DAB2IP: variants seen among roughly 807,000 people sequenced by gnomAD.
DAB2IP encodes the protein disabled homolog 2-interacting protein.
A neutral mutation model predicts 107.2 loss-of-function variants in DAB2IP; 28 were observed. The ratio of observed to expected loss-of-function variants is 0.26; its 90% CI spans 0.19 to 0.36. The LOEUF (loss-of-function observed/expected upper bound fraction) is 0.36. DAB2IP is among the 10% of genes least tolerant of loss of function. The pLI is 1.00. For missense variants in DAB2IP, 1,400 were observed against 1,644.7 expected (o/e 0.85, Z 2.57); for synonymous variants, 755 against 706.4 (o/e 1.07, Z -1.09).
chr9:121,780,302 C>A (rs893491781), intron 14 of DAB2IP, among the ~76,000 whole-genome samples: 7 of 152,198 alleles, frequency 4.6e-5, no homozygotes, highest in African/African-American at 1.7e-4. Context: ...CAGAGTGATA[C>A]CTTCCTGTAC....
chr9:121,569,326 C>G (rs1289698686), intron 1 of DAB2IP, among the ~76,000 whole-genome samples: 1 of 152,208 alleles, frequency 6.6e-6, no homozygotes, highest in African/African-American at 2.4e-5. Flanking sequence ...CTAGGCTAAT[C>G]TGAGAGAGAT....
At chr9:121,577,355 C>G (rs2118896640) in intron 1 of DAB2IP, among the ~76,000 whole-genome samples, 1 of 152,336 alleles carries the variant, frequency 6.6e-6, no homozygotes, top group African/African-American at 2.4e-5. Context: ...GGATCGCCAG[C>G]ACCCCAGGCT....
chr9:121,641,975 T>TC, intron 1 of DAB2IP, among the ~76,000 whole-genome samples: 1 of 116,058 alleles, frequency 8.6e-6, no homozygotes, highest in Non-Finnish European at 1.8e-5. Flanking sequence ...TCTCTCTCTT[T>TC]CTTTCTTTCT....
Position 121,651,620 on chromosome 9 carries a change from G to A in DAB2IP, c.-156G>A. The A allele has an allele frequency of 9.6e-7, 1 of 1,041,184 alleles. No homozygotes were observed. The highest frequency in any genetic ancestry group is 1.2e-6 in the Non-Finnish European group (1 of 863,804). The allele number at this position is 1,041,184 out of a possible 1,614,324, so 64.5% of individuals were successfully genotyped here. On this transcript the variant is annotated 5_prime_UTR_variant, in exon 1 of 16. Transcript: ENST00000408936. The surrounding 1 kb of genome is among the most constrained non-coding windows in gnomAD (Gnocchi z 5.1). ...GGAGCGGGAGGGGGCAGGAGGCGGA[G>A]GAGGAGTTTGAGCGACTTTGTGGGG...
intron 3 of DAB2IP, among the ~76,000 whole-genome samples, chr9:121,740,334 G>A (rs557740443): frequency 1.3e-5 from 2 of 152,262 alleles, no homozygotes; most frequent in South Asian, 4.1e-4. Context: ...ACTGTGCCCT[G>A]TCACGTTTTT....
intron 3 of DAB2IP, among the ~76,000 whole-genome samples, chr9:121,747,980 T>A (rs777292188): frequency 6.6e-6 from 1 of 152,146 alleles, no homozygotes; most frequent in Non-Finnish European, 1.5e-5. Context: ...AGGCTGCCTC[T>A]CATTCAGGAG....
In DAB2IP at chr9:121,762,392, C is replaced by T. The variant is rs79188411; in HGVS notation, c.1171-1113C>T. Among the ~76,000 whole-genome samples, 860 of 152,260 alleles carry T rather than the reference C, an allele frequency of 5.6e-3. 8 individuals carry two copies. Among genetic ancestry groups the T allele is most frequent in the African/African-American group, 0.02 (820 of 41,540 alleles). ...AGCCCCGGGGGAGATGCACCTCTGA[C>T]CCCCGCTTTAGTGTATTCAGAGAAT... is the stretch of plus-strand genomic sequence containing the variant. On this transcript the variant is annotated intron_variant, in intron 6 of 15. Transcript: ENST00000408936.
chr9:121,663,414 G>A (rs868167264), intron 1 of DAB2IP, among the ~76,000 whole-genome samples: 2 of 152,044 alleles, frequency 1.3e-5, no homozygotes, highest in East Asian at 1.9e-4. Context: ...AGCCAAACAC[G>A]TCCCCTCTGA....
intron 1 of DAB2IP, among the ~76,000 whole-genome samples, chr9:121,603,453 A>G (rs2118958160): frequency 6.6e-6 from 1 of 152,338 alleles, no homozygotes; most frequent in Non-Finnish European, 1.5e-5. Flanking sequence ...GAAAGAGGTC[A>G]CTGGAGTCCA....
At chr9:121,652,798 C>T (rs981586700) in intron 1 of DAB2IP, among the ~76,000 whole-genome samples, 2 of 151,874 alleles carry the variant, frequency 1.3e-5, no homozygotes, top group Non-Finnish European at 2.9e-5. Context: ...CACATTCCCA[C>T]CCTGCAGGCT....
At chr9:121,764,515 A>G (rs1319653285) in intron 8 of DAB2IP, among the ~76,000 whole-genome samples, 1 of 152,192 alleles carries the variant, frequency 6.6e-6, no homozygotes, top group Non-Finnish European at 1.5e-5. Context: ...CCTGGGATAT[A>G]TGTGTGTGAT....
chr9:121,745,646 TG>T (rs1369350682), intron 3 of DAB2IP, among the ~76,000 whole-genome samples: 1 of 10,138 alleles, frequency 9.9e-5, no homozygotes, highest in Non-Finnish European at 2.1e-4. Context: ...GGGGCGGGGG[TG>T]GGGGGTGGGG....
At chr9:121,686,231 G>T (rs1828873384) in intron 2 of DAB2IP, among the ~76,000 whole-genome samples, 1 of 152,168 alleles carries the variant, frequency 6.6e-6, no homozygotes, top group Admixed American at 6.5e-5. Context: ...AGGGGTAGGG[G>T]GAAGAGCCCA....
chr9:121,743,517 C>T (rs530781887), intron 3 of DAB2IP, among the ~76,000 whole-genome samples: 2 of 152,266 alleles, frequency 1.3e-5, no homozygotes, highest in South Asian at 4.1e-4. Context: ...GACACTGGCC[C>T]TTTAAAAGCA....
intron 10 of DAB2IP, among the ~76,000 whole-genome samples, chr9:121,769,307 G>C (rs1452987760): frequency 6.6e-6 from 1 of 152,222 alleles, no homozygotes; most frequent in African/African-American, 2.4e-5. Flanking sequence ...AGAGGTGACC[G>C]CTCAGAGCAC....
Position 121,752,049 on chromosome 9 carries a change from C to T in DAB2IP, c.363-4964C>T, listed in dbSNP as rs552441127. 3.4e-5 allele frequency: 33 copies of T among 984,660 alleles called. No individual in the cohort carries two copies. In the East Asian group the frequency reaches 2.3e-3, roughly 68 times the overall value. 61.0% of individuals were successfully genotyped at this position (984,660 alleles called of 1,614,324 possible). A position where few individuals can be genotyped will look rare whatever the true frequency, so the allele number is the denominator to read the frequency against. On this transcript the variant is annotated intron_variant, in intron 3 of 15. Coordinates refer to ENST00000408936, the Ensembl canonical transcript of DAB2IP. Reference sequence around the variant, plus strand: ...TGATCTGCCATGTTTAGAAGGGTCTCGGCTGGGGCCGTGGGGAGCAGTGTG... The same window carrying T: ...TGATCTGCCATGTTTAGAAGGGTCTTGGCTGGGGCCGTGGGGAGCAGTGTG...
chr9:121,686,938 A>G (rs1828912009), intron 2 of DAB2IP, among the ~76,000 whole-genome samples: 1 of 152,214 alleles, frequency 6.6e-6, no homozygotes, highest in East Asian at 1.9e-4. Flanking sequence ...CCCTGGCAGT[A>G]GAAGGTGGAG....
At chr9:121,737,828 G>A (rs1223074468) in intron 3 of DAB2IP, 1 of 970,552 alleles carries the variant, frequency 1.0e-6, no homozygotes, top group Non-Finnish European at 1.2e-6. Flanking sequence ...GGGCTGGAGG[G>A]TGAGGAGCTG....
intron 1 of DAB2IP, among the ~76,000 whole-genome samples, chr9:121,677,925 G>A (rs550905379): frequency 6.6e-6 from 1 of 152,248 alleles, no homozygotes; most frequent in Admixed American, 6.6e-5. Context: ...GCCTTCCAAA[G>A]TGCTGGGATC....
Sources: allele counts gnomAD v4.1 joint callset (sites outside exome capture counted in the v4.1 genomes callset), GRCh38; gene constraint gnomAD v4.1.1; non-coding constraint Gnocchi (gnomAD v3.1); transcripts MANE v1.5; gene names NCBI Gene and HGNC (gene_info 2026-07-23, HGNC 2026-07-21).